Variants in NPAS2 observed in about 807,000 individuals in gnomAD.
NPAS2 encodes the protein neuronal PAS domain-containing protein 2.
Under a neutral mutation model 107.5 loss-of-function variants are expected in NPAS2, and 23 were observed. The observed-to-expected ratio is 0.21, with a 90% CI of 0.15 to 0.30. The LOEUF is 0.30. Ranked by LOEUF, NPAS2 falls within the 10% of genes least tolerant of loss-of-function variation. The pLI is 1.00. For missense variants in NPAS2, 756 were observed against 1,043.3 expected, an observed-to-expected ratio of 0.72 and a Z score of 3.79; for synonymous variants, 403 against 417.5, an observed-to-expected ratio of 0.97 and a Z score of 0.42.
chr2:100,964,723 G>A (rs1676109370), intron 8 of NPAS2, 138 bp from the exon 9 acceptor site: 1 of 610,458 alleles, frequency 1.6e-6, no homozygotes, highest in Non-Finnish European at 2.8e-6. Flanking sequence ...CAGATGATGA[G>A]TTTCAGTCCA....
At chr2:100,978,951 C>T (rs1677222842) in intron 15 of NPAS2, among the ~76,000 whole-genome samples, 1 of 152,214 alleles carries the variant, frequency 6.6e-6, no homozygotes, top group Non-Finnish European at 1.5e-5. Flanking sequence ...CTTCAGTTCC[C>T]TCATAGGAGA....
intron 1 of NPAS2, among the ~76,000 whole-genome samples, chr2:100,836,766 G>A (rs1457212872): frequency 7.9e-5 from 12 of 152,234 alleles, no homozygotes; most frequent in South Asian, 2.1e-4. Flanking sequence ...GCAAGTCCCC[G>A]GGCCACATGT....
intron 10 of NPAS2, among the ~76,000 whole-genome samples, chr2:100,967,240 T>A (rs79207851): frequency 8.4e-6 from 1 of 118,774 alleles, no homozygotes; most frequent in Admixed American, 8.0e-5. Context: ...CAGTGTCCTT[T>A]TTTTTTTTTT....
intron 1 of NPAS2, among the ~76,000 whole-genome samples, chr2:100,854,158 CAAAAAAAAAAAAA>C (rs70943046): frequency 1.8e-4 from 11 of 59,604 alleles, no homozygotes; most frequent in Admixed American, 4.5e-4. Context: ...CCTGCCTCAA[CAAAAAAAAAAAAA>C]AAAAAAAAAA....
At chr2:100,910,113 C>T (rs1454865911) in intron 2 of NPAS2, among the ~76,000 whole-genome samples, 1 of 152,156 alleles carries the variant, frequency 6.6e-6, no homozygotes, top group African/African-American at 2.4e-5. Flanking sequence ...TTACTAAAGC[C>T]TTTTCAATAA....
intron 2 of NPAS2, among the ~76,000 whole-genome samples, chr2:100,906,348 C>T (rs116365250): frequency 1.1e-3 from 162 of 152,252 alleles, no homozygotes; most frequent in Non-Finnish European, 1.6e-3. Context: ...ATGGATGGAG[C>T]GCTGGAGACA....
chr2:100,848,731 G>A (rs955633131), intron 1 of NPAS2, among the ~76,000 whole-genome samples: 23 of 152,200 alleles, frequency 1.5e-4, no homozygotes, highest in African/African-American at 5.1e-4. Flanking sequence ...GCTAGTCAAC[G>A]AATACATAGA....
intron 1 of NPAS2, among the ~76,000 whole-genome samples, chr2:100,892,868 C>T (rs1681166489): frequency 6.6e-6 from 1 of 152,014 alleles, no homozygotes; most frequent in African/African-American, 2.4e-5. Context: ...CAGGCGTGCA[C>T]CAACACACCC....
chr2:100,975,088 T>C, intron 13 of NPAS2, 144 bp downstream of exon 13: 1 of 804,434 alleles, frequency 1.2e-6, no homozygotes, highest in Non-Finnish European at 1.9e-6. Flanking sequence ...CCTCCTTTCC[T>C]TTCCCAGACT....
chr2:100,854,162 A>C (rs994455999), intron 1 of NPAS2, among the ~76,000 whole-genome samples: 2,010 of 147,092 alleles, frequency 0.014, 8 homozygotes, highest in Non-Finnish European at 0.025. Flanking sequence ...CCTCAACAAA[A>C]AAAAAAAAAA....
intron 1 of NPAS2, among the ~76,000 whole-genome samples, chr2:100,894,522 A>C (rs1681279505): frequency 6.6e-6 from 1 of 152,206 alleles, no homozygotes; most frequent in African/African-American, 2.4e-5. Context: ...CCATTCACTT[A>C]GGAGTCAGAG....
chr2:100,961,852 G>A (rs552706166), intron 7 of NPAS2, among the ~76,000 whole-genome samples: 52 of 152,328 alleles, frequency 3.4e-4, no homozygotes, highest in African/African-American at 1.1e-3. Flanking sequence ...TTAAGGGGGA[G>A]GCCTTCTCTT....
intron 7 of NPAS2, among the ~76,000 whole-genome samples, chr2:100,963,096 C>T (rs907687037): frequency 3.3e-5 from 5 of 152,220 alleles, no homozygotes; most frequent in African/African-American, 9.6e-5. Context: ...TTGTTGTAGG[C>T]GTTGTGTTCC....
intron 1 of NPAS2, among the ~76,000 whole-genome samples, chr2:100,850,401 C>T (rs1401955372): frequency 6.6e-6 from 1 of 152,098 alleles, no homozygotes; most frequent in Non-Finnish European, 1.5e-5. Context: ...AGAAGGCATT[C>T]ATTCATGTGA....
At chr2:100,881,394 G>T (rs1439346909) in intron 1 of NPAS2, among the ~76,000 whole-genome samples, 5 of 152,216 alleles carry the variant, frequency 3.3e-5, no homozygotes, top group Admixed American at 6.5e-5. Context: ...AGTTTCAGAA[G>T]TGCTGCTGGG....
rs144929344 is a variant in NPAS2 at position 100,911,051 on chromosome 2, C to T, written c.32+6265C>T. The stretch of plus-strand genomic sequence containing the variant: ...AAATGTATTATGGAGAATATTAATC[C>T]CAGGAAATGCCCCCAAAATAATTGC... On this transcript the variant is annotated intron_variant, in intron 2 of 20. Transcript: ENST00000335681. Among the ~76,000 whole-genome samples the T allele has an allele frequency of 4.5e-4, 69 of 152,228 alleles. 1 individual carries two copies. In the East Asian group the frequency reaches 9.7e-3, roughly 21 times the overall value.
chr2:100,821,359 C>T (rs754735280), intron 1 of NPAS2, among the ~76,000 whole-genome samples: 3 of 152,084 alleles, frequency 2.0e-5, no homozygotes, highest in Non-Finnish European at 4.4e-5. Context: ...GTTAGAAGCC[C>T]TGGAGTTCAA....
At chr2:100,924,515 T>C (rs1175540268) in intron 2 of NPAS2, among the ~76,000 whole-genome samples, 1 of 152,236 alleles carries the variant, frequency 6.6e-6, no homozygotes. Flanking sequence ...TAGTAATATG[T>C]GTTTAACTTT....
At chr2:100,936,374 C>CT (rs1315700297) in intron 4 of NPAS2, among the ~76,000 whole-genome samples, 1 of 152,166 alleles carries the variant, frequency 6.6e-6, no homozygotes, top group Non-Finnish European at 1.5e-5. Context: ...ACATATTTCA[C>CT]TTTTTTTCCT....
Sources: gnomAD v4.1 joint callset for allele counts (sites outside exome capture counted in the v4.1 genomes callset) on GRCh38, gnomAD v4.1.1 for gene constraint, MANE v1.5 for transcripts, NCBI Gene and HGNC (gene_info 2026-07-23, HGNC 2026-07-21) for gene names.